EXD1: variants seen among roughly 807,000 people sequenced by gnomAD.
The protein encoded by EXD1 is exonuclease 3'-5' domain containing 1.
A neutral mutation model predicts 49.1 loss-of-function variants in EXD1; 63 were observed. The ratio of observed to expected loss-of-function variants is 1.28; its 90% confidence interval spans 1.05 to 1.58. EXD1 has a LOEUF of 1.58. Ranked by LOEUF, EXD1 falls within the 40% of genes most tolerant of loss-of-function variation. The pLI, the probability that EXD1 is intolerant of heterozygous loss-of-function variation, is 0.00. For missense variants in EXD1, 748 were observed against 666.0 expected (o/e 1.12, Z -1.36); for synonymous variants, 234 against 239.2 (o/e 0.98, Z 0.20).
At position 41,222,881 on chromosome 15, in the gene EXD1, A is replaced by C. The variant is rs560586274; in HGVS notation, c.134-2983T>G. ...AACTCGGGAGGCAGAGGTTCCAGTG[A>C]ATCAAGATTGAGCCACTGCACTCCA... On this transcript the variant is annotated intron_variant, in intron 2 of 11. Coordinates refer to ENST00000458580, the MANE Select transcript of EXD1 (RefSeq NM_001286441.2). Among the ~76,000 whole-genome samples the C allele has an allele frequency of 6.0e-5, 9 of 148,996 alleles. No homozygotes were observed. In the South Asian group the frequency reaches 1.9e-3, roughly 32 times the overall value.
intron 6 of EXD1, among the ~76,000 whole-genome samples, chr15:41,210,896 A>C (rs2046911683): frequency 1.3e-5 from 2 of 152,140 alleles, no homozygotes; most frequent in South Asian, 4.1e-4. Context: ...AGAGAGCATA[A>C]AGTGTTCTCA....
chr15:41,222,095 G>A (rs952131988), intron 2 of EXD1, among the ~76,000 whole-genome samples: 12 of 151,502 alleles, frequency 7.9e-5, no homozygotes, highest in African/African-American at 1.5e-4. Flanking sequence ...GTGAGACTCC[G>A]TCTCGGAAAA....
At position 41,230,562 on chromosome 15, in the gene EXD1, C is replaced by G. The variant is rs1275851435; in HGVS notation, c.-137G>C. 5.0e-6 allele frequency: 8 copies of G among 1,613,750 alleles called. No homozygotes were observed. The highest frequency in any genetic ancestry group is 1.3e-5 in the African/African-American group (1 of 74,948). On this transcript the variant is annotated 5_prime_UTR_variant, in exon 1 of 12. Transcript: ENST00000458580. Reference sequence around the variant, plus strand: ...GGGAAATCTGGATCCTAATTTCAGCCAAGTGGTGCGTTCCTCGAACTTCAG... The same window carrying G: ...GGGAAATCTGGATCCTAATTTCAGCGAAGTGGTGCGTTCCTCGAACTTCAG...
intron 1 of EXD1, among the ~76,000 whole-genome samples, chr15:41,228,052 A>AAAAAC (rs1307821825): frequency 3.9e-5 from 6 of 152,244 alleles, no homozygotes; most frequent in South Asian, 2.1e-4. Context: ...CTCTGTCTCA[A>AAAAAC]AAAACAAAAC....
chr15:41,230,413 A>G (rs1336235214), intron 1 of EXD1, 66 bp downstream of exon 1: 4 of 1,529,624 alleles, frequency 2.6e-6, no homozygotes, highest in Admixed American at 3.3e-5. Flanking sequence ...ACAATACACC[A>G]TGAGAATAAA....
At position 41,190,043 on chromosome 15, in the gene EXD1, AG is replaced by A; in HGVS notation, c.949del (p.Leu317PhefsTer6). ...CATCTCATCTAGGAGTGCCAAGCGA[AG>A]GGGTAACAGGTAGGTAGCTTCCAGG... ...LALEATYLLPLRLALLDEMMS... is the reference protein window; with the variant it reads ...LALEATYLLPXRLALLDEMMS... On this transcript the variant is annotated frameshift_variant, in exon 11 of 12. Coordinates refer to ENST00000458580, the MANE Select transcript of EXD1 (RefSeq NM_001286441.2). LOFTEE classifies it high-confidence loss of function. 1 of 1,614,172 alleles carries A rather than the reference AG, an allele frequency of 6.2e-7. No individual in the cohort carries two copies. Among genetic ancestry groups the A allele is most frequent in the Middle Eastern group, 1.6e-4 (1 of 6,062 alleles).
At chr15:41,198,037 A>G (rs2046643416) in intron 7 of EXD1, among the ~76,000 whole-genome samples, 1 of 152,104 alleles carries the variant, frequency 6.6e-6, no homozygotes, top group Non-Finnish European at 1.5e-5. Context: ...AAAAAATAAA[A>G]ATAAAGAAAT....
intron 7 of EXD1, among the ~76,000 whole-genome samples, chr15:41,197,504 C>T (rs1402512962): frequency 6.6e-6 from 1 of 151,694 alleles, no homozygotes; most frequent in Non-Finnish European, 1.5e-5. Context: ...GCTGGGATTA[C>T]AGGCATGAGC....
In EXD1 at chr15:41,183,758, T is replaced by G. The variant is rs114644953; in HGVS notation, c.*173A>C. 2.4e-3 allele frequency: 1,319 copies of G among 553,026 alleles called. 17 individuals carry two copies. The highest frequency in any genetic ancestry group is 0.023 in the African/African-American group (1,196 of 52,360). The allele number at this position is 553,026 out of a possible 1,614,324, so 34.3% of individuals were successfully genotyped here. ...TATACTTCTTCCATTATTTAACTTA[T>G]TCATTCTCATTCTCCGCATACCAGG... On this transcript the variant is annotated 3_prime_UTR_variant, in exon 12 of 12. Coordinates refer to ENST00000458580, the MANE Select transcript of EXD1 (RefSeq NM_001286441.2).
At chr15:41,190,258 A>C (rs746994616) in intron 10 of EXD1, 130 bp from the exon 11 acceptor site, 2 of 906,888 alleles carry the variant, frequency 2.2e-6, no homozygotes, top group South Asian at 2.8e-5. Flanking sequence ...GCGGATCACA[A>C]GGTCAAGACA....
chr15:41,218,424 T>C (rs1387274170), intron 3 of EXD1, among the ~76,000 whole-genome samples: 2 of 147,308 alleles, frequency 1.4e-5, no homozygotes, highest in Admixed American at 1.4e-4. Flanking sequence ...GAGGCAAAGG[T>C]TGCAGTGAGA....
chr15:41,184,432 C>G lies in EXD1; in HGVS notation c.1218G>C (p.Glu406Asp). ...KKLVTETAGK[E>D]EKVKGFLFGK... Reference sequence around the variant, plus strand: ...CAAATAAGAAGCCTTTGACTTTCTCCTCTTTCCCTGCTGTCTCTGTCACTA... The same window carrying G: ...CAAATAAGAAGCCTTTGACTTTCTCGTCTTTCCCTGCTGTCTCTGTCACTA... The change falls in exon 12 of 12, where the codon GAG (glutamate) becomes GAC (aspartate). Residue 406 changes from glutamate (E) to aspartate (D), a missense_variant. Physicochemically the swap from Glu to Asp is conservative, Grantham distance 45. Transcript: ENST00000458580. The G allele has an allele frequency of 6.2e-7, 1 of 1,614,156 alleles. No individual in the cohort carries two copies. Among genetic ancestry groups the G allele is most frequent in the Non-Finnish European group, 8.5e-7 (1 of 1,180,034 alleles).
chr15:41,215,931 G>A, intron 5 of EXD1, 98 bp from the exon 6 acceptor site: 2 of 1,228,986 alleles, frequency 1.6e-6, no homozygotes, highest in Non-Finnish European at 2.4e-6. Flanking sequence ...CTACTGTATT[G>A]CAACTCAAAT....
intron 10 of EXD1, 102 bp from the exon 11 acceptor site, chr15:41,190,230 T>A (rs538169386): frequency 1.6e-6 from 2 of 1,234,416 alleles, no homozygotes; most frequent in African/African-American, 2.9e-5. Flanking sequence ...ATCCCAGCAC[T>A]CTGGGAGGCT....
chr15:41,224,814 C>T (rs929146307), intron 2 of EXD1, among the ~76,000 whole-genome samples: 2 of 151,986 alleles, frequency 1.3e-5, no homozygotes, highest in South Asian at 2.1e-4. Flanking sequence ...ATTAAAAAAA[C>T]TAGCCAGGTG....
At chr15:41,207,589 G>C (rs1230521728) in intron 7 of EXD1, among the ~76,000 whole-genome samples, 1 of 152,014 alleles carries the variant, frequency 6.6e-6, no homozygotes, top group Non-Finnish European at 1.5e-5. Flanking sequence ...CTGAAGTGGA[G>C]TGGAGGGTTT....
intron 7 of EXD1, among the ~76,000 whole-genome samples, chr15:41,197,520 C>G (rs190296800): frequency 6.6e-6 from 1 of 151,504 alleles, no homozygotes; most frequent in Non-Finnish European, 1.5e-5. Context: ...TGAGCCACCA[C>G]GCCCGGCCAA....
intron 7 of EXD1, among the ~76,000 whole-genome samples, chr15:41,208,562 G>A (rs2140876608): frequency 1.3e-5 from 2 of 151,950 alleles, no homozygotes; most frequent in East Asian, 3.9e-4. Flanking sequence ...TGACCAGCCT[G>A]GCCAACATGG....
At chr15:41,201,458 C>G (rs947276380) in intron 7 of EXD1, among the ~76,000 whole-genome samples, 1 of 149,050 alleles carries the variant, frequency 6.7e-6, no homozygotes, top group Non-Finnish European at 1.5e-5. Flanking sequence ...GCTTACAGAT[C>G]AATTTTATAT....
Sources: gnomAD v4.1 joint callset for allele counts (sites outside exome capture counted in the v4.1 genomes callset) on GRCh38, gnomAD v4.1.1 for gene constraint, MANE v1.5 for transcripts, NCBI Gene and HGNC (gene_info 2026-07-23, HGNC 2026-07-21) for gene names.